Variants in ZNF75D observed in about 807,000 individuals in gnomAD.
ZNF75D encodes the protein zinc finger protein 75.
In ZNF75D, 33 loss-of-function variants were observed where a neutral mutation model predicts 33.3. The observed-to-expected ratio is 0.99, with a 90% confidence interval of 0.75 to 1.32. ZNF75D has a LOEUF of 1.32. Ranked by LOEUF, ZNF75D falls within the 40% of genes most tolerant of loss-of-function variation. The pLI is 0.00. For missense variants in ZNF75D, 338 were observed against 367.5 expected, an observed-to-expected ratio of 0.92 and a Z score of 0.66; for synonymous variants, 113 against 130.6, an observed-to-expected ratio of 0.87 and a Z score of 0.92.
chrX:135,317,085 A>T (rs1169006800), intron 1 of ZNF75D, among the ~76,000 whole-genome samples: 1 of 110,972 alleles, frequency 9.0e-6, no homozygotes, highest in Non-Finnish European at 1.9e-5. Flanking sequence ...CTGGTGTATC[A>T]GTCACTTCTT....
chrX:135,326,917 C>T (rs782503004), intron 1 of ZNF75D, among the ~76,000 whole-genome samples: 84 of 112,719 alleles, frequency 7.5e-4, no homozygotes, highest in African/African-American at 2.5e-3. Context: ...TAACACTCAC[C>T]GCGAGAGTCC....
At chrX:135,275,366 C>T (rs2083895900) in intron 1 of ZNF75D, among the ~76,000 whole-genome samples, 1 of 111,979 alleles carries the variant, frequency 8.9e-6, no homozygotes, top group Admixed American at 9.5e-5. Context: ...AGTGCTGGCA[C>T]TGGAGTACTT....
chrX:135,306,869 A>ATTTATGTATTCATTTATTTTTAT (rs1556425870), intron 1 of ZNF75D, among the ~76,000 whole-genome samples: 1 of 111,470 alleles, frequency 9.0e-6, no homozygotes, highest in African/African-American at 3.3e-5. Context: ...CAGATTTTTA[A>ATTTATGTATTCATTTATTTTTAT]TTTATGTATT....
chrX:135,330,608 A>G (rs1282320460), intron 1 of ZNF75D: 3 of 112,575 alleles, frequency 2.7e-5, no homozygotes, highest in Non-Finnish European at 5.6e-5. Context: ...TGACACGAGC[A>G]ATGCCAGGGT....
intron 1 of ZNF75D, among the ~76,000 whole-genome samples, chrX:135,329,251 T>C: frequency 8.9e-6 from 1 of 112,185 alleles, no homozygotes; most frequent in South Asian, 3.6e-4. Context: ...TTACCACTTT[T>C]TAGAGATATT....
chrX:135,261,249 G>T (rs782600129), intron 1 of ZNF75D, among the ~76,000 whole-genome samples: 3 of 112,485 alleles, frequency 2.7e-5, no homozygotes, highest in Admixed American at 1.9e-4. Context: ...AGTGTGATGT[G>T]GTGCTGAGAA....
intron 1 of ZNF75D, 144 bp downstream of exon 1, chrX:135,341,624 G>A (rs2084785984): frequency 8.9e-6 from 1 of 112,536 alleles, no homozygotes; most frequent in Non-Finnish European, 1.9e-5. Context: ...TAATGTGGTA[G>A]GAAAACGCAA....
At chrX:135,322,968 G>A (rs1284749219) in intron 1 of ZNF75D, among the ~76,000 whole-genome samples, 1 of 112,323 alleles carries the variant, frequency 8.9e-6, no homozygotes, top group Non-Finnish European at 1.9e-5. Flanking sequence ...ACTGATTAAG[G>A]ACATGAAGGT....
At chrX:135,336,724 A>G (rs1367443362) in intron 1 of ZNF75D, among the ~76,000 whole-genome samples, 1 of 112,397 alleles carries the variant, frequency 8.9e-6, no homozygotes, top group Non-Finnish European at 1.9e-5. Context: ...AGAAATCTTC[A>G]AGACACCTTT....
Position 135,287,642 on chromosome X carries a change from G to A in ZNF75D, c.1028C>T (p.Thr343Ile). Reference sequence around the variant, plus strand: ...AAGTTTTGGAAGCTCTTGTTTACAAGTTGCAGGTTTCTTTCTTTTCTTCCT... The same window carrying A: ...AAGTTTTGGAAGCTCTTGTTTACAAATTGCAGGTTTCTTTCTTTTCTTCCT... The part of the protein sequence containing the change: ...FPRKKRKKPA[T>I]CKQELPKLMD... The change falls in exon 7 of 7, where the codon ACT (threonine) becomes ATT (isoleucine). Residue 343 changes from threonine (T) to isoleucine (I), a missense_variant. This residue lies in a region of ZNF75D where 254 missense variants were observed against 267.7 expected (regional missense o/e 0.95). Coordinates refer to ENST00000370766, the MANE Select transcript of ZNF75D (RefSeq NM_007131.5). 1 of 1,210,683 alleles carries A rather than the reference G, an allele frequency of 8.3e-7. No homozygotes were observed. Among genetic ancestry groups the A allele is most frequent in the South Asian group, 1.8e-5 (1 of 56,573 alleles).
At position 135,258,002 on chromosome X, in the gene ZNF75D, CTG is replaced by C. The variant is rs1556414622; in HGVS notation, n.828-2227_828-2226del. On this transcript the variant is annotated intron_variant and non_coding_transcript_variant, in intron 1 of 3. Coordinates refer to the ZNF75D transcript ENST00000494295. ...AACAGGCCCTGGTGTGTGATGTTCC[CTG>C]CCCTGTGTCCAAGTGATCTCATTGT... Among the ~76,000 whole-genome samples the C allele has an allele frequency of 6.3e-3, 687 of 108,737 alleles. 2 individuals are homozygous for C. The highest frequency in any genetic ancestry group is 0.038 in the Middle Eastern group (8 of 210). The allele number at this position is 108,737 out of a possible 115,157, so 94.4% of individuals were successfully genotyped here.
intron 1 of ZNF75D, among the ~76,000 whole-genome samples, chrX:135,263,996 A>G (rs1278697451): frequency 1.8e-5 from 2 of 112,401 alleles, no homozygotes; most frequent in Non-Finnish European, 3.8e-5. Flanking sequence ...TGGTGCCTCT[A>G]TGAGTCTTCA....
At chrX:135,322,712 C>A (rs886573485) in intron 1 of ZNF75D, among the ~76,000 whole-genome samples, 4 of 112,232 alleles carry the variant, frequency 3.6e-5, no homozygotes, top group African/African-American at 9.7e-5. Context: ...AAAACTCAAG[C>A]TGATTGTGCC....
downstream of ZNF75D, among the ~76,000 whole-genome samples, chrX:135,284,095 G>A (rs1359715279): frequency 8.9e-6 from 1 of 111,873 alleles, no homozygotes; most frequent in African/African-American, 3.3e-5. Flanking sequence ...ACTTGGTTCA[G>A]TTCTTCAGTT....
At chrX:135,267,098 T>C (rs1193483068) in intron 1 of ZNF75D, among the ~76,000 whole-genome samples, 2 of 111,192 alleles carry the variant, frequency 1.8e-5, no homozygotes, top group Admixed American at 9.5e-5. Flanking sequence ...CCAAAACATA[T>C]GGGATATAGC....
At chrX:135,268,340 T>C (rs1355821941) in intron 1 of ZNF75D, among the ~76,000 whole-genome samples, 1 of 107,373 alleles carries the variant, frequency 9.3e-6, no homozygotes, top group Non-Finnish European at 1.9e-5. Flanking sequence ...GCAGATAATA[T>C]GATCTTATAT....
chrX:135,325,384 G>A (rs1357732941), intron 1 of ZNF75D, among the ~76,000 whole-genome samples: 2 of 110,873 alleles, frequency 1.8e-5, no homozygotes, highest in African/African-American at 6.5e-5. Context: ...GCCCACCGCT[G>A]CACTGTGGGA....
chrX:135,268,911 T>A (rs1305809119), intron 1 of ZNF75D, among the ~76,000 whole-genome samples: 1 of 110,891 alleles, frequency 9.0e-6, no homozygotes, highest in Admixed American at 9.6e-5. Flanking sequence ...CATAGACCAA[T>A]GTAACAGAAC....
intron 1 of ZNF75D, among the ~76,000 whole-genome samples, chrX:135,316,656 G>A (rs2084424267): frequency 9.0e-6 from 1 of 110,849 alleles, no homozygotes; most frequent in Admixed American, 9.6e-5. Flanking sequence ...ACTTTATGGT[G>A]TCCCATATAT....
Sources: gnomAD v4.1 joint callset for allele counts (sites outside exome capture counted in the v4.1 genomes callset) on GRCh38, gnomAD v4.1.1 for gene constraint, gnomAD v4.1.1 regional missense constraint, MANE v1.5 for transcripts, NCBI Gene and HGNC (gene_info 2026-07-23, HGNC 2026-07-21) for gene names.